Variants in MED13L observed in about 807,000 individuals in gnomAD.
MED13L encodes the protein mediator complex subunit 13L.
In MED13L, 7 loss-of-function variants were observed where a neutral mutation model predicts 220.9. The ratio of observed to expected loss-of-function variants is 0.03; its 90% CI spans 0.02 to 0.06. The LOEUF (loss-of-function observed/expected upper bound fraction) is 0.06, where lower values mean the gene tolerates loss of function less well. Ranked by LOEUF, MED13L falls within the 10% of genes least tolerant of loss-of-function variation. The probability of loss-of-function intolerance (pLI) is 1.00; values close to 1 mark genes in which losing one functional copy is unlikely to be tolerated. For synonymous variants in MED13L, 1,011 were observed against 1,015.2 expected, an observed-to-expected ratio of 1.00 and a Z score of 0.08; for missense variants, 1,965 against 2,760.5, an observed-to-expected ratio of 0.71 and a Z score of 6.46.
intron 11 of MED13L, 193 bp downstream of exon 11, chr12:116,007,218 A>C: frequency 1.6e-6 from 1 of 637,514 alleles, no homozygotes; most frequent in Non-Finnish European, 2.8e-6. Flanking sequence ...CTGACTTTTA[A>C]ACAAAGGTGA....
chr12:116,139,565 T>G (rs1173711347), intron 2 of MED13L, among the ~76,000 whole-genome samples: 1 of 152,188 alleles, frequency 6.6e-6, no homozygotes, highest in Non-Finnish European at 1.5e-5. Flanking sequence ...ACAGTTACCA[T>G]AAAATATTAT....
intron 2 of MED13L, among the ~76,000 whole-genome samples, chr12:116,205,321 G>T (rs1882242248): frequency 6.6e-6 from 1 of 151,336 alleles, no homozygotes; most frequent in South Asian, 2.1e-4. Context: ...TTCAAGTCGT[G>T]TTTTTTTTAA....
In MED13L at chr12:115,961,484, A is replaced by G; in HGVS notation, c.6501-86T>C. The G allele has an allele frequency of 1.9e-6, 3 of 1,556,312 alleles. No individual in the cohort carries two copies. The South Asian group carries it at 3.4e-5, about 18-fold the overall frequency. On this transcript the variant is annotated intron_variant, in intron 30 of 30. Coordinates refer to ENST00000281928, the MANE Select transcript of MED13L (RefSeq NM_015335.5). ...ATTCTAATACATTCCAGATCTTAGC[A>G]GGAAGGAGGTCTCAAAGGCATTCCT...
rs539739959 is a variant in MED13L at position 116,093,786 on chromosome 12, T to C, written c.479+2883A>G. On this transcript the variant is annotated intron_variant, in intron 4 of 30. Transcript: ENST00000281928. ...AACATAAATTTGTACATTTAATTTG[T>C]TTAGCACTGGGCAACAGGTTTTCCT... Among the ~76,000 whole-genome samples, 34 of 152,272 alleles carry C rather than the reference T, an allele frequency of 2.2e-4. No individual in the cohort carries two copies. The South Asian group carries it at 6.8e-3, about 31-fold the overall frequency.
chr12:116,120,467 T>TCA (rs1565886949), intron 2 of MED13L, among the ~76,000 whole-genome samples: 3 of 136,924 alleles, frequency 2.2e-5, no homozygotes, highest in Admixed American at 7.4e-5. Flanking sequence ...TCTCTCTCTC[T>TCA]CTCTCTCTCT....
intron 9 of MED13L, among the ~76,000 whole-genome samples, chr12:116,011,209 C>T (rs547863164): frequency 3.3e-5 from 5 of 152,052 alleles, no homozygotes; most frequent in Middle Eastern, 3.4e-3. Context: ...AAAGGCATCC[C>T]CCAAAATACA....
In MED13L at chr12:116,081,846, A is replaced by G. The variant is rs567022926; in HGVS notation, c.479+14823T>C. Among the ~76,000 whole-genome samples the G allele has an allele frequency of 1.1e-3, 167 of 152,372 alleles. 1 individual carries two copies. The highest frequency in any genetic ancestry group is 3.4e-3 in the Middle Eastern group (1 of 294). On this transcript the variant is annotated intron_variant, in intron 4 of 30. Coordinates refer to ENST00000281928, the MANE Select transcript of MED13L (RefSeq NM_015335.5). ...CCTGCCACTGCACTCCAGCCTGGGCAGCAGAATGAGAACCTGTCTCAAAAA... is the reference window on the plus strand; with the variant it reads ...CCTGCCACTGCACTCCAGCCTGGGCGGCAGAATGAGAACCTGTCTCAAAAA...
chr12:116,131,630 T>G (rs1317832318), intron 2 of MED13L, among the ~76,000 whole-genome samples: 3 of 152,222 alleles, frequency 2.0e-5, no homozygotes, highest in African/African-American at 7.2e-5. Flanking sequence ...TTCACATTTA[T>G]GTATATACAT....
intron 7 of MED13L, among the ~76,000 whole-genome samples, chr12:116,017,990 T>C (rs1458428860): frequency 1.3e-5 from 2 of 151,936 alleles, no homozygotes; most frequent in South Asian, 2.1e-4. Context: ...AAAACATACA[T>C]GTCCATTTCT....
At chr12:116,097,284 T>A (rs1440560845) in intron 3 of MED13L, among the ~76,000 whole-genome samples, 1 of 152,066 alleles carries the variant, frequency 6.6e-6, no homozygotes, top group African/African-American at 2.4e-5. Context: ...TAGCTGGGAT[T>A]ATGGGCGTGC....
chr12:116,082,970 T>C (rs894945588), intron 4 of MED13L, among the ~76,000 whole-genome samples: 1 of 152,172 alleles, frequency 6.6e-6, no homozygotes, highest in Non-Finnish European at 1.5e-5. Context: ...ATCCCTAAAT[T>C]AGGATCATTT....
At chr12:116,175,946 G>A (rs558566683) in intron 2 of MED13L, among the ~76,000 whole-genome samples, 2 of 152,166 alleles carry the variant, frequency 1.3e-5, no homozygotes, top group African/African-American at 2.4e-5. Context: ...ACATAATATC[G>A]AAAATATCAG....
chr12:116,269,582 T>G (rs112501480), intron 1 of MED13L, among the ~76,000 whole-genome samples: 1 of 151,932 alleles, frequency 6.6e-6, no homozygotes, highest in South Asian at 2.1e-4. Flanking sequence ...ATCCCAACAT[T>G]TGGGGAGGCT....
chr12:116,276,539 T>C (rs1292821785), intron 1 of MED13L: 7 of 1,268,362 alleles, frequency 5.5e-6, no homozygotes, highest in Non-Finnish European at 4.1e-6. Flanking sequence ...CAAGAGTCCT[T>C]TCCTGACACA....
chr12:116,106,975 T>C (rs1194254899), intron 3 of MED13L, among the ~76,000 whole-genome samples: 1 of 152,200 alleles, frequency 6.6e-6, no homozygotes, highest in East Asian at 1.9e-4. Context: ...TTCTGTTAGC[T>C]AGTATCAACA....
chr12:116,186,290 A>G (rs1353753724), intron 2 of MED13L, among the ~76,000 whole-genome samples: 1 of 152,222 alleles, frequency 6.6e-6, no homozygotes, highest in Admixed American at 6.5e-5. Flanking sequence ...AACCGATCAC[A>G]TCTGCTGAAT....
chr12:115,959,091 A>C lies in MED13L; in HGVS notation c.*2175T>G, dbSNP rs553323709. The C allele has an allele frequency of 6.6e-6, 1 of 152,620 alleles. No homozygotes were observed. The highest frequency in any genetic ancestry group is 2.4e-5 in the African/African-American group (1 of 41,472). 9.5% of individuals were successfully genotyped at this position (152,620 alleles called of 1,614,324 possible). ...TAATTCAGTAAAAAACTCACAAGTAAAATAATGCATATTTAAGGGAAATAT... is the reference window on the plus strand; with the variant it reads ...TAATTCAGTAAAAAACTCACAAGTACAATAATGCATATTTAAGGGAAATAT... On this transcript the variant is annotated 3_prime_UTR_variant, in exon 31 of 31. Coordinates refer to ENST00000281928, the MANE Select transcript of MED13L (RefSeq NM_015335.5).
intron 2 of MED13L, among the ~76,000 whole-genome samples, chr12:116,223,181 T>C (rs916191818): frequency 1.3e-5 from 2 of 152,212 alleles, no homozygotes; most frequent in Admixed American, 6.5e-5. Context: ...GATGTATTTA[T>C]AAGTTAATGT....
In MED13L at chr12:116,102,870, C is replaced by G. The variant is rs529796601; in HGVS notation, c.396-6118G>C. On this transcript the variant is annotated intron_variant, in intron 3 of 30. Transcript: ENST00000281928. Reference sequence around the variant, plus strand: ...CTGAGTAGCCGGGATTACAGACGCGCCCCACCACGCCTAATTTTTGTATTT... The same window carrying G: ...CTGAGTAGCCGGGATTACAGACGCGGCCCACCACGCCTAATTTTTGTATTT... Among the ~76,000 whole-genome samples the G allele has an allele frequency of 6.5e-4, 98 of 151,542 alleles. 1 individual carries two copies. The South Asian group carries it at 0.02, about 31-fold the overall frequency.
Sources: gnomAD v4.1 joint callset for allele counts (sites outside exome capture counted in the v4.1 genomes callset) on GRCh38, gnomAD v4.1.1 for gene constraint, MANE v1.5 for transcripts, NCBI Gene and HGNC (gene_info 2026-07-23, HGNC 2026-07-21) for gene names.